Variants in XYLT1 observed in about 807,000 individuals in gnomAD.
XYLT1 encodes the protein xylosyltransferase 1.
XYLT1 carries 36 observed loss-of-function variants against 91.3 expected under a neutral mutation model. The observed-to-expected ratio is 0.39, with a 90% CI of 0.30 to 0.52. XYLT1 has a LOEUF of 0.52. Among genes scored for constraint, XYLT1 ranks in the 20% least tolerant of loss-of-function variants. XYLT1 has a pLI of 0.68. For synonymous variants in XYLT1, 588 were observed against 532.0 expected (o/e 1.11, Z -1.45); for missense variants, 1,242 against 1,284.5 (o/e 0.97, Z 0.51).
chr16:17,354,087 T>C (rs1319240126), intron 2 of XYLT1, among the ~76,000 whole-genome samples: 5 of 152,178 alleles, frequency 3.3e-5, no homozygotes, highest in Non-Finnish European at 7.3e-5. Context: ...ACCTAGCCAC[T>C]CACTGAACTC....
intron 2 of XYLT1, among the ~76,000 whole-genome samples, chr16:17,329,252 A>G (rs1429650329): frequency 2.0e-5 from 3 of 152,186 alleles, no homozygotes; most frequent in Non-Finnish European, 4.4e-5. Flanking sequence ...GCTCTGCCAC[A>G]AGGAACATGG....
chr16:17,146,353 T>C (rs1302925038), intron 6 of XYLT1, among the ~76,000 whole-genome samples: 1 of 152,216 alleles, frequency 6.6e-6, no homozygotes, highest in East Asian at 1.9e-4. Context: ...GTGCTTTTCA[T>C]CTGTGGGGCA....
intron 11 of XYLT1, 64 bp from the exon 12 acceptor site, chr16:17,109,081 T>TA: frequency 6.9e-7 from 1 of 1,450,660 alleles, no homozygotes; most frequent in East Asian, 2.3e-5. Context: ...TATTCATACT[T>TA]ACCCTGTGCC....
rs1450823471 is a variant in XYLT1, at chr16:17,259,407, T to C, written c.494A>G (p.Asn165Ser). The C allele has an allele frequency of 6.2e-7, 1 of 1,614,192 alleles. No individual in the cohort carries two copies. The highest frequency in any genetic ancestry group is 1.1e-5 in the South Asian group (1 of 91,088). ...SVPKDFENVD[N>S]SNFAPRTQKQ... ...TTGAGTCCTGGGTGCGAAGTTGCTG[T>C]TGTCGACATTCTCAAAGTCTTTGGG... Residue 165 changes from asparagine to serine, a missense_variant, in exon 3 of 12, where the codon AAC becomes AGC. Asn to Ser is a conservative substitution (Grantham distance 46). This residue lies in a region of XYLT1 where 437 missense variants were observed against 411.5 expected (regional missense o/e 1.06). Transcript: ENST00000261381.
chr16:17,431,555 T>C (rs1177857296), intron 1 of XYLT1, among the ~76,000 whole-genome samples: 4 of 152,208 alleles, frequency 2.6e-5, no homozygotes, highest in Non-Finnish European at 2.9e-5. Context: ...AGTTATGCAA[T>C]TTAAGTGTAT....
chr16:17,359,278 C>T (rs984514287), intron 1 of XYLT1, among the ~76,000 whole-genome samples: 3 of 152,182 alleles, frequency 2.0e-5, no homozygotes, highest in African/African-American at 4.8e-5. Context: ...GCAGATTTTC[C>T]ACCACGGGGT....
chr16:17,251,138 ATCATCTGCCAGTC>A (rs1283576392), intron 3 of XYLT1: 1 of 152,278 alleles, frequency 6.6e-6, no homozygotes, highest in Non-Finnish European at 1.5e-5. Flanking sequence ...AGCTGGCAGT[ATCATCTGCCAGTC>A]TCTCTCTGCA....
chr16:17,311,825 A>T (rs1206837609), intron 2 of XYLT1, among the ~76,000 whole-genome samples: 1 of 93,388 alleles, frequency 1.1e-5, no homozygotes. Flanking sequence ...GGCACGTCTT[A>T]CATGGCAGCA....
At chr16:17,261,374 C>T (rs569296254) in intron 2 of XYLT1, among the ~76,000 whole-genome samples, 1 of 152,142 alleles carries the variant, frequency 6.6e-6, no homozygotes, top group South Asian at 2.1e-4. Flanking sequence ...AAGCTGAGTA[C>T]TGCTATGACT....
intron 5 of XYLT1, among the ~76,000 whole-genome samples, chr16:17,165,752 T>C (rs1347945895): frequency 6.6e-6 from 1 of 152,122 alleles, no homozygotes; most frequent in African/African-American, 2.4e-5. Context: ...GACACTTAGG[T>C]CATTTCCATT....
At chr16:17,421,710 A>G (rs1162038733) in intron 1 of XYLT1, among the ~76,000 whole-genome samples, 1 of 152,244 alleles carries the variant, frequency 6.6e-6, no homozygotes, top group Non-Finnish European at 1.5e-5. Flanking sequence ...TGGACAACAC[A>G]TGGAGCCGAG....
intron 5 of XYLT1, chr16:17,193,937 C>T (rs1245649348): frequency 2.0e-5 from 3 of 152,030 alleles, no homozygotes; most frequent in African/African-American, 7.3e-5. Context: ...GTGGGAGGCA[C>T]CATGGAAATG....
At chr16:17,203,088 G>A (rs975354097) in intron 3 of XYLT1, among the ~76,000 whole-genome samples, 5 of 152,162 alleles carry the variant, frequency 3.3e-5, no homozygotes, top group African/African-American at 1.2e-4. Flanking sequence ...GTTAAGCTGA[G>A]ATTCAAACAC....
intron 2 of XYLT1, among the ~76,000 whole-genome samples, chr16:17,338,718 G>A (rs1413736941): frequency 3.9e-5 from 6 of 152,194 alleles, no homozygotes; most frequent in African/African-American, 1.2e-4. Context: ...CAAAGTAGCT[G>A]GGACTACAGG....
chr16:17,296,597 T>G (rs2034314382), intron 2 of XYLT1, among the ~76,000 whole-genome samples: 1 of 152,190 alleles, frequency 6.6e-6, no homozygotes, highest in Non-Finnish European at 1.5e-5. Context: ...CTGACATCAA[T>G]GCCAGCAGGG....
chr16:17,203,168 G>A (rs1212648291), intron 3 of XYLT1, among the ~76,000 whole-genome samples: 4 of 152,124 alleles, frequency 2.6e-5, no homozygotes, highest in Non-Finnish European at 5.9e-5. Flanking sequence ...GAGTTTGGAA[G>A]GAAAAGTTTA....
At chr16:17,363,924 C>T (rs1416188810) in intron 1 of XYLT1, among the ~76,000 whole-genome samples, 1 of 152,212 alleles carries the variant, frequency 6.6e-6, no homozygotes, top group African/African-American at 2.4e-5. Context: ...GGTGATCTGC[C>T]TGCCTCACCC....
intron 3 of XYLT1, among the ~76,000 whole-genome samples, chr16:17,210,373 T>G (rs1358067030): frequency 1.3e-5 from 2 of 152,236 alleles, no homozygotes; most frequent in East Asian, 3.9e-4. Context: ...GGTCAAGAGT[T>G]TGAGACCAGC....
intron 1 of XYLT1, among the ~76,000 whole-genome samples, chr16:17,412,585 TGTGGGG>T (rs1330217510): frequency 5.5e-5 from 1 of 18,108 alleles, no homozygotes; most frequent in Non-Finnish European, 1.1e-4. Context: ...CATTTGGGGG[TGTGGGG>T]GTGGGGAAGA....
Sources: allele counts gnomAD v4.1 joint callset (sites outside exome capture counted in the v4.1 genomes callset), GRCh38; gene constraint gnomAD v4.1.1; regional missense constraint gnomAD v4.1.1; transcripts MANE v1.5; gene names NCBI Gene and HGNC (gene_info 2026-07-23, HGNC 2026-07-21).